ZNF883: variants seen among roughly 807,000 people sequenced by gnomAD.
ZNF883 encodes the protein zinc finger protein 883.
exon 1 of ZNF883, chr9:112,997,184 CAA>C (rs1828368303): frequency 6.2e-7 from 1 of 1,613,246 alleles, no homozygotes; most frequent in African/African-American, 1.3e-5. Context: ...TGTACTATGA[CAA>C]AAGACATCAC....
At chr9:112,991,165 T>C (rs1429752722) in intron 1 of ZNF883, among the ~76,000 whole-genome samples, 2 of 152,134 alleles carry the variant, frequency 1.3e-5, no homozygotes, top group Non-Finnish European at 2.9e-5. Flanking sequence ...GGTTCTCATT[T>C]TTTTAGTTGT....
chr9:113,002,458 G>A (rs907147246), upstream of ZNF883, among the ~76,000 whole-genome samples: 20 of 152,068 alleles, frequency 1.3e-4, no homozygotes, highest in Non-Finnish European at 2.5e-4. Context: ...AAATACTACA[G>A]TTAATAATAA....
exon 1 of ZNF883, chr9:112,997,346 C>T (rs2118608209): frequency 1.2e-6 from 2 of 1,613,968 alleles, no homozygotes; most frequent in Non-Finnish European, 1.7e-6. Context: ...TAGTGATGTT[C>T]TATAGCAAAA....
rs765455226 is a variant in ZNF883, at chr9:112,997,918, A to AT, written n.341dup. 9.9e-6 allele frequency: 16 copies of AT among 1,613,192 alleles called. No homozygotes were observed. In the South Asian group the frequency reaches 1.4e-4, roughly 14 times the overall value. On this transcript the variant is annotated non_coding_transcript_exon_variant, in exon 1 of 1. Coordinates refer to ENST00000639662, the Ensembl canonical transcript of ZNF883. ...TTTCTCCAGTATGGATTCTCTCATG[A>AT]TTTCTAAGGGATGACCTATGACTAA...
intron 1 of ZNF883, among the ~76,000 whole-genome samples, chr9:112,990,114 T>C (rs181938825): frequency 1.8e-4 from 27 of 152,336 alleles, no homozygotes; most frequent in Admixed American, 9.1e-4. Flanking sequence ...TATTTCTTTC[T>C]CTTGACTGAT....
At chr9:112,991,520 A>G (rs946613366) in intron 1 of ZNF883, among the ~76,000 whole-genome samples, 2 of 151,952 alleles carry the variant, frequency 1.3e-5, no homozygotes, top group Non-Finnish European at 2.9e-5. Flanking sequence ...GATCAATTTT[A>G]GAGTCAGTGC....
At chr9:113,005,152 TAATA>T (rs1194062104) in intron 2 of ZNF883, among the ~76,000 whole-genome samples, 1 of 152,000 alleles carries the variant, frequency 6.6e-6, no homozygotes, top group Non-Finnish European at 1.5e-5. Flanking sequence ...GGGAAATCCT[TAATA>T]AAATATAAAA....
intron 1 of ZNF883, among the ~76,000 whole-genome samples, chr9:113,011,892 T>G (rs1828542331): frequency 6.6e-6 from 1 of 152,064 alleles, no homozygotes; most frequent in Non-Finnish European, 1.5e-5. Context: ...CCCAAGCCCC[T>G]GACTGTTAAG....
chr9:112,989,872 T>C (rs189837331), intron 1 of ZNF883, among the ~76,000 whole-genome samples: 24 of 152,334 alleles, frequency 1.6e-4, no homozygotes, highest in African/African-American at 5.5e-4. Flanking sequence ...TTTTATTCTC[T>C]TTGTAGCATT....
At chr9:113,001,490 T>C (rs886147972), upstream of ZNF883, among the ~76,000 whole-genome samples, 2 of 152,090 alleles carry the variant, frequency 1.3e-5, no homozygotes, top group African/African-American at 4.8e-5. Context: ...ATGAAGTTGC[T>C]GTTGCTTCTA....
At chr9:113,010,984 CAAAAAA>C (rs35069505) in intron 2 of ZNF883, among the ~76,000 whole-genome samples, 151 bp downstream of exon 2, 4 of 117,984 alleles carry the variant, frequency 3.4e-5, no homozygotes, top group Non-Finnish European at 1.8e-5. Context: ...GACCTTGTCT[CAAAAAA>C]AAAAAAAAAA....
chr9:113,004,308 T>A (rs1337981925), intron 2 of ZNF883, among the ~76,000 whole-genome samples: 1 of 152,228 alleles, frequency 6.6e-6, no homozygotes, highest in East Asian at 1.9e-4. Flanking sequence ...TTTATATTGT[T>A]TTAAGTTACC....
chr9:112,999,853 T>C (rs774351650), upstream of ZNF883: 6 of 152,186 alleles, frequency 3.9e-5, no homozygotes, highest in African/African-American at 7.2e-5. Flanking sequence ...AGAATTTGTA[T>C]AGAGCTTAAT....
At chr9:112,995,827 TAA>T (rs1187467353), downstream of ZNF883, among the ~76,000 whole-genome samples, 1 of 152,144 alleles carries the variant, frequency 6.6e-6, no homozygotes, top group African/African-American at 2.4e-5. Context: ...TTCGAGTATT[TAA>T]GTTTCCTTCC....
At chr9:113,003,384 A>T (rs1828444876) in intron 2 of ZNF883, among the ~76,000 whole-genome samples, 1 of 152,134 alleles carries the variant, frequency 6.6e-6, no homozygotes, top group African/African-American at 2.4e-5. Context: ...TCTTTCCTTT[A>T]TAAATTACCC....
chr9:113,011,754 C>T (rs1336470362), intron 1 of ZNF883, among the ~76,000 whole-genome samples: 1 of 152,126 alleles, frequency 6.6e-6, no homozygotes, highest in Non-Finnish European at 1.5e-5. Context: ...TCTTGCAATT[C>T]CCAGGTCTAC....
At chr9:112,996,707 C>CGTGAACCTGGGAGGCGGAGCTTGCA (rs1828357916), downstream of ZNF883, among the ~76,000 whole-genome samples, 3 of 131,254 alleles carry the variant, frequency 2.3e-5, no homozygotes, top group Non-Finnish European at 4.7e-5. Context: ...AGGAGAATGG[C>CGTGAACCTGGGAGGCGGAGCTTGCA]GTGAACCTGG....
chr9:112,992,911 GC>G (rs1287041503), downstream of ZNF883, among the ~76,000 whole-genome samples: 1 of 151,986 alleles, frequency 6.6e-6, no homozygotes, highest in Non-Finnish European at 1.5e-5. Flanking sequence ...GTGTTTTTCC[GC>G]TCCATCAGGT....
At chr9:112,996,789 TCAAAAAAAAA>T (rs1363004701), downstream of ZNF883, among the ~76,000 whole-genome samples, 2 of 28,302 alleles carry the variant, frequency 7.1e-5, no homozygotes, top group Non-Finnish European at 6.2e-5. Context: ...AGACTCCGTC[TCAAAAAAAAA>T]AAAAAAAAAA....
Sources: allele counts gnomAD v4.1 joint callset (sites outside exome capture counted in the v4.1 genomes callset), GRCh38; gene constraint gnomAD v4.1.1; transcripts MANE v1.5; gene names NCBI Gene and HGNC (gene_info 2026-07-23, HGNC 2026-07-21).